The following MYO10 variants were observed in gnomAD, a reference collection of about 807,000 sequenced individuals.
MYO10 encodes myosin X.
Under a neutral mutation model 257.3 loss-of-function variants are expected in MYO10, and 133 were observed. The observed-to-expected ratio is 0.52, with a 90% CI of 0.45 to 0.60. The LOEUF (loss-of-function observed/expected upper bound fraction) is 0.60, where lower values mean the gene tolerates loss of function less well. Among genes scored for constraint, MYO10 ranks in the 20% least tolerant of loss-of-function variants. The pLI, the probability that MYO10 is intolerant of heterozygous loss-of-function variation, is 0.00. For missense variants in MYO10, 2,399 were observed against 2,635.7 expected, an observed-to-expected ratio of 0.91 and a Z score of 1.97; for synonymous variants, 1,104 against 1,028.6, an observed-to-expected ratio of 1.07 and a Z score of -1.40.
At chr5:16,774,404 GTTAC>G (rs1280863106) in intron 9 of MYO10, among the ~76,000 whole-genome samples, 2 of 152,060 alleles carry the variant, frequency 1.3e-5, no homozygotes, top group African/African-American at 4.8e-5. Context: ...ATTACATCAT[GTTAC>G]TTATTTATTT....
chr5:16,827,319 T>C (rs1012930569), intron 2 of MYO10, among the ~76,000 whole-genome samples: 21 of 152,214 alleles, frequency 1.4e-4, no homozygotes, highest in Non-Finnish European at 2.2e-4. Context: ...GGAGTCTCAC[T>C]GTCACCCAGG....
At chr5:16,674,430 T>C (rs532993230) in intron 35 of MYO10, among the ~76,000 whole-genome samples, 2 of 152,220 alleles carry the variant, frequency 1.3e-5, no homozygotes, top group South Asian at 4.2e-4. Context: ...GATCATGCCA[T>C]TGCACTCTAG....
chr5:16,846,283 T>C (rs1474820020), intron 2 of MYO10, among the ~76,000 whole-genome samples: 1 of 152,214 alleles, frequency 6.6e-6, no homozygotes, highest in Non-Finnish European at 1.5e-5. Flanking sequence ...TGGATGAAGT[T>C]TCCTGCCTGC....
intron 1 of MYO10, among the ~76,000 whole-genome samples, chr5:16,932,250 C>T (rs992346959): frequency 6.6e-6 from 1 of 152,224 alleles, no homozygotes; most frequent in African/African-American, 2.4e-5. Context: ...ATTAGTCTCA[C>T]TAATAATCCT....
intron 18 of MYO10, among the ~76,000 whole-genome samples, chr5:16,757,378 C>CA (rs146272986): frequency 0.037 from 5,581 of 150,128 alleles, 362 homozygotes; most frequent in African/African-American, 0.13. Flanking sequence ...GAAGTCCTGG[C>CA]AAACCGACCT....
chr5:16,721,928 C>T (rs1389744130), intron 19 of MYO10, among the ~76,000 whole-genome samples: 1 of 152,196 alleles, frequency 6.6e-6, no homozygotes, highest in Non-Finnish European at 1.5e-5. Context: ...ATTTCCCATT[C>T]GAGGTCCTCA....
In MYO10 at chr5:16,769,096, C is replaced by T. The variant is rs1017882691; in HGVS notation, c.1038G>A (p.Gly346=). Residue 346 remains glycine (G), a synonymous_variant, in exon 10 of 41, where the codon GGG becomes GGA. Transcript: ENST00000513610. ...LGNIEFITAG[G]AQVSFKTALG... ...TACCTGTTTTGAAGGAAACCTGTGCCCCACCAGCAGTGATAAATTCTATGT... is the reference window on the plus strand; with the variant it reads ...TACCTGTTTTGAAGGAAACCTGTGCTCCACCAGCAGTGATAAATTCTATGT... 6.2e-7 allele frequency: 1 copy of T among 1,611,194 alleles called. No homozygotes were observed. Among genetic ancestry groups the T allele is most frequent in the Non-Finnish European group, 8.5e-7 (1 of 1,178,942 alleles).
chr5:16,874,205 G>A (rs1224572928), intron 2 of MYO10, among the ~76,000 whole-genome samples: 1 of 151,846 alleles, frequency 6.6e-6, no homozygotes, highest in Non-Finnish European at 1.5e-5. Flanking sequence ...ATGGTGGCAG[G>A]CGCCTGTAGT....
chr5:16,730,788 A>C (rs1445081085), intron 19 of MYO10, among the ~76,000 whole-genome samples: 1 of 152,226 alleles, frequency 6.6e-6, no homozygotes, highest in Non-Finnish European at 1.5e-5. Flanking sequence ...TAGGAACTCA[A>C]ATATATTCAA....
chr5:16,668,190 C>T, intron 40 of MYO10, 87 bp downstream of exon 40: 7 of 1,338,190 alleles, frequency 5.2e-6, no homozygotes, highest in South Asian at 1.6e-5. Context: ...AAGAAAATGA[C>T]CTGGTCAAAG....
At chr5:16,843,645 C>G (rs565312976) in intron 2 of MYO10, among the ~76,000 whole-genome samples, 2 of 152,280 alleles carry the variant, frequency 1.3e-5, no homozygotes, top group South Asian at 4.1e-4. Context: ...AGCAAGCACT[C>G]TTGACTGCCC....
At chr5:16,766,274 A>G (rs1740864422) in intron 10 of MYO10, 76 bp from the exon 11 acceptor site, 5 of 1,059,782 alleles carry the variant, frequency 4.7e-6, no homozygotes, top group Non-Finnish European at 7.2e-6. Context: ...ACCTTAACGC[A>G]GAGAACACAC....
At chr5:16,868,269 T>C (rs1317040792) in intron 2 of MYO10, among the ~76,000 whole-genome samples, 1 of 152,318 alleles carries the variant, frequency 6.6e-6, no homozygotes, top group East Asian at 1.9e-4. Flanking sequence ...TTCTTACCCT[T>C]TTACATGAGT....
intron 1 of MYO10, among the ~76,000 whole-genome samples, chr5:16,911,437 CATT>C (rs1439285063): frequency 6.6e-6 from 1 of 152,146 alleles, no homozygotes; most frequent in Non-Finnish European, 1.5e-5. Flanking sequence ...TTTCTTAAAA[CATT>C]ATGAGATTTC....
chr5:16,679,217 T>C (rs1736869054), intron 33 of MYO10, among the ~76,000 whole-genome samples: 1 of 152,198 alleles, frequency 6.6e-6, no homozygotes, highest in Admixed American at 6.5e-5. Context: ...GTCTGGAAAC[T>C]GTACAGTGAC....
At position 16,738,501 on chromosome 5, in the gene MYO10, G is replaced by A. The variant is rs56058327; in HGVS notation, c.1929+16327C>T. On this transcript the variant is annotated intron_variant, in intron 19 of 40. Coordinates refer to ENST00000513610, the MANE Select transcript of MYO10 (RefSeq NM_012334.3). ...AGGGAGCCCAGTCAAGTTCCTATTC[G>A]CCCTCACTTCTCCCTTCTCAGCAGG... 4.5e-3 allele frequency: 3,056 copies of A among 685,810 alleles called. 82 individuals are homozygous for A. The African/African-American group carries it at 0.056, about 12-fold the overall frequency. The allele number at this position is 685,810 out of a possible 1,614,324, so 42.5% of individuals were successfully genotyped here.
intron 3 of MYO10, among the ~76,000 whole-genome samples, chr5:16,799,260 T>C (rs1026892301): frequency 7.1e-6 from 1 of 140,296 alleles, no homozygotes; most frequent in African/African-American, 2.6e-5. Flanking sequence ...TGAATGAAGG[T>C]AGAAGACAAA....
chr5:16,865,414 G>C (rs1319049878), intron 2 of MYO10, among the ~76,000 whole-genome samples: 1 of 152,160 alleles, frequency 6.6e-6, no homozygotes, highest in East Asian at 1.9e-4. Flanking sequence ...CTGGGGCTGA[G>C]TCTCAACAAA....
At chr5:16,720,863 T>C (rs1329303360) in intron 19 of MYO10, among the ~76,000 whole-genome samples, 1 of 152,256 alleles carries the variant, frequency 6.6e-6, no homozygotes, top group Non-Finnish European at 1.5e-5. Flanking sequence ...ACAGTTCATA[T>C]TGTGGAGATT....
Sources: allele counts gnomAD v4.1 joint callset (sites outside exome capture counted in the v4.1 genomes callset), GRCh38; gene constraint gnomAD v4.1.1; transcripts MANE v1.5; gene names NCBI Gene and HGNC (gene_info 2026-07-23, HGNC 2026-07-21).